The following CAMK1D variants were observed in gnomAD, a reference collection of about 807,000 sequenced individuals.
CAMK1D encodes calcium/calmodulin dependent protein kinase ID.
In CAMK1D, 9 loss-of-function variants were observed where a neutral mutation model predicts 47.7. The ratio of observed to expected loss-of-function variants is 0.19; its 90% CI spans 0.11 to 0.33. The LOEUF (loss-of-function observed/expected upper bound fraction) is 0.33. CAMK1D is among the 10% of genes least tolerant of loss of function. The probability of loss-of-function intolerance (pLI) is 1.00; values close to 1 mark genes in which losing one functional copy is unlikely to be tolerated. For synonymous variants in CAMK1D, 184 were observed against 184.9 expected (o/e 0.99, Z 0.04); for missense variants, 291 against 488.7 (o/e 0.60, Z 3.81).
At chr10:12,486,609 G>A (rs1228625149) in intron 1 of CAMK1D, among the ~76,000 whole-genome samples, 1 of 152,182 alleles carries the variant, frequency 6.6e-6, no homozygotes, top group Non-Finnish European at 1.5e-5. Context: ...TATCTGCTGA[G>A]TAAACTCCTT....
chr10:12,809,351 A>G (rs1489297557), intron 6 of CAMK1D, among the ~76,000 whole-genome samples: 1 of 152,172 alleles, frequency 6.6e-6, no homozygotes, highest in Non-Finnish European at 1.5e-5. Flanking sequence ...CAGTGTGGCA[A>G]TTCCTCAGAA....
At chr10:12,559,010 A>C (rs1043299276) in intron 2 of CAMK1D, among the ~76,000 whole-genome samples, 1 of 152,028 alleles carries the variant, frequency 6.6e-6, no homozygotes, top group Admixed American at 6.6e-5. Flanking sequence ...AGCTCTTAAA[A>C]TCATACTGAT....
chr10:12,373,226 T>A (rs765302102), intron 1 of CAMK1D, among the ~76,000 whole-genome samples: 1 of 150,966 alleles, frequency 6.6e-6, no homozygotes, highest in Middle Eastern at 3.2e-3. Flanking sequence ...GGTGGGAGGA[T>A]CACCTGAGCC....
At chr10:12,564,153 C>CTCTGTCTG (rs1554789278) in intron 2 of CAMK1D, among the ~76,000 whole-genome samples, 13 of 85,848 alleles carry the variant, frequency 1.5e-4, no homozygotes, top group African/African-American at 2.5e-4. Context: ...CTCTGTCTCT[C>CTCTGTCTG]TCTCTCTCTC....
intron 1 of CAMK1D, among the ~76,000 whole-genome samples, chr10:12,404,040 C>T (rs1342283678): frequency 6.7e-6 from 1 of 150,240 alleles, no homozygotes; most frequent in Non-Finnish European, 1.5e-5. Flanking sequence ...GTTTTTTGAG[C>T]TTTTCTTTTT....
chr10:12,486,866 A>T (rs1834234266), intron 1 of CAMK1D, among the ~76,000 whole-genome samples: 1 of 152,134 alleles, frequency 6.6e-6, no homozygotes, highest in East Asian at 1.9e-4. Context: ...TGAGCCCAGG[A>T]GTTTGAGGCT....
intron 1 of CAMK1D, among the ~76,000 whole-genome samples, chr10:12,419,066 C>G (rs540518705): frequency 1.3e-5 from 2 of 152,282 alleles, no homozygotes; most frequent in East Asian, 3.9e-4. Context: ...ACCTCACATT[C>G]GGAAAGGTGT....
At chr10:12,700,132 G>A (rs1004366113) in intron 3 of CAMK1D, among the ~76,000 whole-genome samples, 4 of 152,222 alleles carry the variant, frequency 2.6e-5, no homozygotes, top group Non-Finnish European at 4.4e-5. Flanking sequence ...ACCCACAGCT[G>A]AACAAAGCTT....
At position 12,447,531 on chromosome 10, in the gene CAMK1D, G is replaced by A. The variant is rs1297787877; in HGVS notation, c.92+97621G>A. ...AGCCTGGGCTACATAGCAAGACCCC[G>A]TCTCTCCAAAAAATTAAGAAATTAG... On this transcript the variant is annotated intron_variant, in intron 1 of 10. Coordinates refer to ENST00000619168, the MANE Select transcript of CAMK1D (RefSeq NM_153498.4). 2.6e-5 allele frequency among the ~76,000 whole-genome samples: 4 copies of A among 152,146 alleles called. No individual in the cohort carries two copies. In the South Asian group the frequency reaches 6.2e-4, roughly 24 times the overall value.
chr10:12,376,045 C>G (rs1838167324), intron 1 of CAMK1D, among the ~76,000 whole-genome samples: 1 of 151,174 alleles, frequency 6.6e-6, no homozygotes, highest in Admixed American at 6.6e-5. Context: ...TGCCTGTAGT[C>G]CCAGCTACTC....
chr10:12,736,126 A>G (rs1835175020), intron 3 of CAMK1D, among the ~76,000 whole-genome samples: 1 of 152,220 alleles, frequency 6.6e-6, no homozygotes, highest in Non-Finnish European at 1.5e-5. Flanking sequence ...GCCAAACGGC[A>G]GGACTTCCAG....
chr10:12,392,016 CAA>C (rs1491028672), intron 1 of CAMK1D, among the ~76,000 whole-genome samples: 32 of 137,580 alleles, frequency 2.3e-4, no homozygotes, highest in African/African-American at 5.2e-4. Flanking sequence ...CACACACACA[CAA>C]ACAGTCTGGG....
chr10:12,421,360 G>A (rs541147344), intron 1 of CAMK1D, among the ~76,000 whole-genome samples: 4 of 152,182 alleles, frequency 2.6e-5, no homozygotes, highest in South Asian at 4.1e-4. Context: ...TGCTTTGCCC[G>A]ATGATGTCCC....
chr10:12,420,718 A>T (rs774202487), intron 1 of CAMK1D, among the ~76,000 whole-genome samples: 2 of 152,218 alleles, frequency 1.3e-5, no homozygotes, highest in Non-Finnish European at 2.9e-5. Context: ...CATCAGGGCC[A>T]TGAAGACCAG....
intron 1 of CAMK1D, among the ~76,000 whole-genome samples, chr10:12,441,652 A>T (rs927249635): frequency 1.3e-5 from 2 of 150,308 alleles, no homozygotes; most frequent in Non-Finnish European, 3.0e-5. Flanking sequence ...GCCTCTACTT[A>T]AAAAAAAAAT....
intron 3 of CAMK1D, among the ~76,000 whole-genome samples, chr10:12,734,448 G>GTA (rs1202954805): frequency 2.7e-3 from 12 of 4,476 alleles, no homozygotes; most frequent in Admixed American, 5.3e-3. Flanking sequence ...ACACACATAT[G>GTA]TGTATATATA....
intron 6 of CAMK1D, among the ~76,000 whole-genome samples, chr10:12,794,915 TC>T (rs1838130849): frequency 6.6e-6 from 1 of 152,210 alleles, no homozygotes; most frequent in Non-Finnish European, 1.5e-5. Flanking sequence ...TATGAATTCA[TC>T]TTTTCTCACC....
At chr10:12,816,891 A>G (rs1370944027) in intron 8 of CAMK1D, among the ~76,000 whole-genome samples, 1 of 151,140 alleles carries the variant, frequency 6.6e-6, no homozygotes, top group Non-Finnish European at 1.5e-5. Context: ...AAAAAAAAAA[A>G]AAAAAGACAT....
chr10:12,750,805 C>A (rs1356483954), intron 3 of CAMK1D, among the ~76,000 whole-genome samples: 1 of 152,194 alleles, frequency 6.6e-6, no homozygotes, highest in East Asian at 1.9e-4. Context: ...AATCCCAGCA[C>A]TTTGGGAGTC....
Sources: allele counts gnomAD v4.1 joint callset (sites outside exome capture counted in the v4.1 genomes callset), GRCh38; gene constraint gnomAD v4.1.1; transcripts MANE v1.5; gene names NCBI Gene and HGNC (gene_info 2026-07-23, HGNC 2026-07-21).